Variants in TMEM132D observed in about 807,000 individuals in gnomAD.
The protein encoded by TMEM132D is transmembrane protein 132D.
Under a neutral mutation model 62.3 loss-of-function variants are expected in TMEM132D, and 21 were observed. The ratio of observed to expected loss-of-function variants is 0.34; its 90% confidence interval spans 0.24 to 0.49. The LOEUF (loss-of-function observed/expected upper bound fraction) is 0.49, where lower values mean the gene tolerates loss of function less well. Ranked by LOEUF, TMEM132D falls within the 20% of genes least tolerant of loss-of-function variation. The probability of loss-of-function intolerance (pLI) is 0.99; values close to 1 mark genes in which losing one functional copy is unlikely to be tolerated. For missense variants in TMEM132D, 1,346 were observed against 1,402.8 expected (o/e 0.96, Z 0.65); for synonymous variants, 621 against 575.6 (o/e 1.08, Z -1.13).
rs143625070 is a variant in TMEM132D at position 129,443,567 on chromosome 12, G to T, written c.1115+87492C>A. Among the ~76,000 whole-genome samples, 203 of 152,102 alleles carry T rather than the reference G, an allele frequency of 1.3e-3. 3 individuals carry two copies. The highest frequency in any genetic ancestry group is 4.7e-3 in the African/African-American group (194 of 41,506). On this transcript the variant is annotated intron_variant, in intron 3 of 8. Transcript: ENST00000422113. The stretch of plus-strand genomic sequence containing the variant: ...CTTGTTGTCCCTGGCTCCAGTTCTG[G>T]CTCTCCCCCTTCTCCCTTCCTCTTT...
At chr12:129,863,793 G>T (rs758719977) in intron 1 of TMEM132D, among the ~76,000 whole-genome samples, 18 of 151,332 alleles carry the variant, frequency 1.2e-4, no homozygotes, top group East Asian at 1.2e-3. Flanking sequence ...TTGTTTTTTT[G>T]GGGGGGGCAG....
intron 3 of TMEM132D, among the ~76,000 whole-genome samples, chr12:129,469,062 C>A (rs1009814884): frequency 3.3e-5 from 5 of 152,152 alleles, no homozygotes; most frequent in African/African-American, 1.2e-4. Flanking sequence ...ATAAATTTTT[C>A]TCTTTTCAAC....
At chr12:129,503,012 T>C (rs551799283) in intron 3 of TMEM132D, among the ~76,000 whole-genome samples, 1 of 152,214 alleles carries the variant, frequency 6.6e-6, no homozygotes, top group Non-Finnish European at 1.5e-5. Context: ...GTATCTGCAA[T>C]AGTACATATC....
intron 5 of TMEM132D, among the ~76,000 whole-genome samples, chr12:129,194,237 C>G (rs530220866): frequency 1.8e-4 from 28 of 152,324 alleles, no homozygotes; most frequent in Non-Finnish European, 2.9e-4. Flanking sequence ...TAACCTCACC[C>G]CTGTTTTCTT....
intron 4 of TMEM132D, among the ~76,000 whole-genome samples, chr12:129,325,109 G>T (rs1868861441): frequency 1.3e-5 from 2 of 152,124 alleles, no homozygotes; most frequent in South Asian, 2.1e-4. Flanking sequence ...AGACTTTCAG[G>T]CCAGGTATCT....
At chr12:129,280,654 T>C (rs1881116995) in intron 4 of TMEM132D, among the ~76,000 whole-genome samples, 2 of 152,266 alleles carry the variant, frequency 1.3e-5, no homozygotes, top group South Asian at 4.2e-4. Context: ...TCAGCCTCCA[T>C]AAGTATGTAA....
chr12:129,293,850 T>A (rs937395641), intron 4 of TMEM132D, among the ~76,000 whole-genome samples: 1 of 152,296 alleles, frequency 6.6e-6, no homozygotes, highest in African/African-American at 2.4e-5. Context: ...ACTTGCCTTC[T>A]GCTGTGTGGC....
chr12:129,630,197 A>T (rs1039791671), intron 2 of TMEM132D, among the ~76,000 whole-genome samples: 1 of 152,228 alleles, frequency 6.6e-6, no homozygotes, highest in Non-Finnish European at 1.5e-5. Context: ...TTTCATTTAT[A>T]AGAGCTCCAG....
At chr12:129,497,424 A>C (rs1331207231) in intron 3 of TMEM132D, among the ~76,000 whole-genome samples, 1 of 152,192 alleles carries the variant, frequency 6.6e-6, no homozygotes, top group African/African-American at 2.4e-5. Flanking sequence ...CCTCTTACTG[A>C]GCACAGCAAT....
chr12:129,188,765 G>C (rs1230997910), intron 5 of TMEM132D, among the ~76,000 whole-genome samples: 15 of 2,350 alleles, frequency 6.4e-3, no homozygotes, highest in African/African-American at 8.2e-3. Flanking sequence ...GAGAGAGGGA[G>C]AGAGAGAGAG....
intron 1 of TMEM132D, among the ~76,000 whole-genome samples, chr12:129,717,601 G>T (rs182033929): frequency 1.8e-3 from 273 of 149,898 alleles, no homozygotes; most frequent in African/African-American, 6.3e-3. Flanking sequence ...CAGAATATGG[G>T]AAACACAGAA....
intron 3 of TMEM132D, among the ~76,000 whole-genome samples, chr12:129,464,618 A>G (rs372285431): frequency 1.3e-5 from 2 of 152,286 alleles, no homozygotes; most frequent in East Asian, 3.9e-4. Context: ...TAACATTTAA[A>G]TCTTTAATCC....
At chr12:129,180,219 A>AGGG (rs1878026976) in intron 5 of TMEM132D, among the ~76,000 whole-genome samples, 1 of 151,482 alleles carries the variant, frequency 6.6e-6, no homozygotes, top group African/African-American at 2.4e-5. Flanking sequence ...GGGGAGGAGG[A>AGGG]GGAGGAGGAG....
intron 5 of TMEM132D, among the ~76,000 whole-genome samples, chr12:129,118,689 C>T (rs763881044): frequency 3.9e-5 from 6 of 152,176 alleles, no homozygotes; most frequent in Non-Finnish European, 8.8e-5. Context: ...TAGTGAAATG[C>T]CCTTAGATTA....
At chr12:129,405,351 A>G (rs1200647409) in intron 3 of TMEM132D, among the ~76,000 whole-genome samples, 2 of 152,034 alleles carry the variant, frequency 1.3e-5, no homozygotes, top group African/African-American at 4.8e-5. Flanking sequence ...CCTTACCTAA[A>G]TCTAATCACC....
chr12:129,524,654 C>T (rs544283004), intron 3 of TMEM132D, among the ~76,000 whole-genome samples: 1 of 152,172 alleles, frequency 6.6e-6, no homozygotes, highest in South Asian at 2.1e-4. Context: ...ATTTCTAGAA[C>T]TGTAATTTCA....
chr12:129,413,718 G>A (rs1015053427), intron 3 of TMEM132D, among the ~76,000 whole-genome samples: 3 of 152,158 alleles, frequency 2.0e-5, no homozygotes, highest in Non-Finnish European at 4.4e-5. Context: ...TTTGCAAAAT[G>A]AGTAAGAAAC....
rs1875439608 is a variant in TMEM132D at position 129,903,438 on chromosome 12, G to A, written c.-99C>T. On this transcript the variant is annotated 5_prime_UTR_variant, in exon 1 of 9. Coordinates refer to ENST00000422113, the MANE Select transcript of TMEM132D (RefSeq NM_133448.3). This position sits in a 1 kb window ranked among gnomAD's most constrained non-coding sequence, Gnocchi z 6.2. ...AGAGGCCCGCAGCGGGGCCGGTGGC[G>A]AGGGAGCGCCCGGCTAGGGGCCCGA... 4 of 1,318,006 alleles carry A rather than the reference G, an allele frequency of 3.0e-6. No homozygotes were observed. Among genetic ancestry groups the A allele is most frequent in the East Asian group, 2.5e-5 (1 of 39,294 alleles). The allele number at this position is 1,318,006 out of a possible 1,614,324, so 81.6% of individuals were successfully genotyped here.
intron 4 of TMEM132D, among the ~76,000 whole-genome samples, chr12:129,317,588 C>T (rs533153025): frequency 1.3e-5 from 2 of 152,286 alleles, no homozygotes; most frequent in East Asian, 1.9e-4. Context: ...TTTCCTTCAT[C>T]TTGACTTTAG....
Sources: gnomAD v4.1 joint callset for allele counts (sites outside exome capture counted in the v4.1 genomes callset) on GRCh38, gnomAD v4.1.1 for gene constraint, Gnocchi (gnomAD v3.1) non-coding constraint, MANE v1.5 for transcripts, NCBI Gene and HGNC (gene_info 2026-07-23, HGNC 2026-07-21) for gene names.